The following EPAS1 variants were observed in gnomAD, a reference collection of about 807,000 sequenced individuals.
EPAS1 encodes the protein endothelial PAS domain protein 1.
Under a neutral mutation model 87.9 loss-of-function variants are expected in EPAS1, and 23 were observed. That is an observed-to-expected ratio of 0.26 (90% CI 0.19 to 0.37). The LOEUF is 0.37. Ranked by LOEUF, EPAS1 falls within the 10% of genes least tolerant of loss-of-function variation. The probability of loss-of-function intolerance (pLI) is 1.00; values close to 1 mark genes in which losing one functional copy is unlikely to be tolerated. For synonymous variants in EPAS1, 508 were observed against 444.3 expected (o/e 1.14, Z -1.80); for missense variants, 1,138 against 1,120.7 (o/e 1.02, Z -0.22).
intron 1 of EPAS1, among the ~76,000 whole-genome samples, chr2:46,310,314 C>G (rs1683185888): frequency 6.6e-6 from 1 of 151,546 alleles, no homozygotes; most frequent in African/African-American, 2.4e-5. Context: ...CTTTCTCATT[C>G]TGGATTCTAG....
At chr2:46,327,071 C>G (rs78693349) in intron 1 of EPAS1, among the ~76,000 whole-genome samples, 9,612 of 152,240 alleles carry the variant, frequency 0.063, 1,039 homozygotes, top group African/African-American at 0.22. Context: ...TCAGGACCAG[C>G]AGGGGCCGTG....
Position 46,346,256 on chromosome 2 carries a change from T to C in EPAS1, c.27-617T>C, listed in dbSNP as rs59502526. Among the ~76,000 whole-genome samples the C allele has an allele frequency of 0.064, 9,732 of 152,276 alleles. 692 individuals are homozygous for C. Among genetic ancestry groups the C allele is most frequent in the African/African-American group, 0.17 (7,195 of 41,522 alleles). ...AGAAAATGTTTGTGCCCACTCCTTTTTAATCCTTGACAGAACGCACGTTGG... is the reference window on the plus strand; with the variant it reads ...AGAAAATGTTTGTGCCCACTCCTTTCTAATCCTTGACAGAACGCACGTTGG... On this transcript the variant is annotated intron_variant, in intron 1 of 15. Transcript: ENST00000263734. The surrounding 1 kb of genome is among the most constrained non-coding windows in gnomAD (Gnocchi z 4.0).
At chr2:46,336,938 C>T (rs570964738) in intron 1 of EPAS1, among the ~76,000 whole-genome samples, 1 of 152,236 alleles carries the variant, frequency 6.6e-6, no homozygotes, top group South Asian at 2.1e-4. Flanking sequence ...AGATTTGATT[C>T]ACAGAGGTGA....
At chr2:46,373,021 G>C (rs1356768509) in intron 7 of EPAS1, among the ~76,000 whole-genome samples, 1 of 152,226 alleles carries the variant, frequency 6.6e-6, no homozygotes, top group African/African-American at 2.4e-5. Flanking sequence ...TGTGGACCCA[G>C]GTAATAAAGA....
intron 1 of EPAS1, among the ~76,000 whole-genome samples, chr2:46,342,365 C>G (rs1294633496): frequency 6.6e-6 from 1 of 152,228 alleles, no homozygotes; most frequent in Non-Finnish European, 1.5e-5. Flanking sequence ...TTTATTTCCT[C>G]CATTCTCAGC....
chr2:46,378,159 G>T, intron 10 of EPAS1, 72 bp downstream of exon 10: 1 of 1,534,360 alleles, frequency 6.5e-7, no homozygotes, highest in African/African-American at 1.4e-5. Context: ...TGGCTGAAGG[G>T]ACATTTGGGA....
intron 1 of EPAS1, among the ~76,000 whole-genome samples, chr2:46,330,141 T>G (rs1239704512): frequency 1.3e-5 from 2 of 152,224 alleles, no homozygotes; most frequent in African/African-American, 4.8e-5. Flanking sequence ...CCTCCAAGTT[T>G]CCATCTTAAT....
At chr2:46,330,034 A>G (rs1185036185) in intron 1 of EPAS1, among the ~76,000 whole-genome samples, 1 of 152,218 alleles carries the variant, frequency 6.6e-6, no homozygotes, top group Admixed American at 6.5e-5. Flanking sequence ...ACTGCTGAAC[A>G]TTCTGATTGA....
chr2:46,382,174 A>T, intron 14 of EPAS1, 85 bp downstream of exon 14: 1 of 1,302,290 alleles, frequency 7.7e-7, no homozygotes, highest in South Asian at 1.2e-5. Flanking sequence ...TCTTCCATTC[A>T]CCACAGGCCG....
intron 15 of EPAS1, 70 bp downstream of exon 15, chr2:46,382,668 T>C (rs1389093079): frequency 2.5e-6 from 4 of 1,588,534 alleles, no homozygotes; most frequent in Admixed American, 1.8e-5. Context: ...GTCTACTTTT[T>C]TTCCAGCGTC....
rs1291729407 is a variant in EPAS1 at position 46,346,816 on chromosome 2, G to C, written c.27-57G>C. 1 of 1,595,674 alleles carries C rather than the reference G, an allele frequency of 6.3e-7. No individual in the cohort carries two copies. Among genetic ancestry groups the C allele is most frequent in the African/African-American group, 1.3e-5 (1 of 74,616 alleles). Reference sequence around the variant, plus strand: ...TGGGGCCATGGGGATGTCCTGGCCAGAGGTATGATAGGCTGACAGTAACCT... The same window carrying C: ...TGGGGCCATGGGGATGTCCTGGCCACAGGTATGATAGGCTGACAGTAACCT... On this transcript the variant is annotated intron_variant, in intron 1 of 15. Transcript: ENST00000263734. The surrounding 1 kb of genome is among the most constrained non-coding windows in gnomAD (Gnocchi z 4.0).
chr2:46,361,621 C>T (rs541191291), intron 6 of EPAS1, among the ~76,000 whole-genome samples: 4 of 152,328 alleles, frequency 2.6e-5, no homozygotes, highest in African/African-American at 9.6e-5. Context: ...GCTAACCCCC[C>T]AGTGCCAGGC....
chr2:46,380,509 A>G lies in EPAS1; in HGVS notation c.1837A>G (p.Ser613Gly), dbSNP rs1354744185. Residue 613 changes from serine to glycine, a missense_variant, in exon 12 of 16, where the codon AGC becomes GGC. Coordinates refer to ENST00000263734, the MANE Select transcript of EPAS1 (RefSeq NM_001430.5). The surrounding 1 kb of genome is among the most constrained non-coding windows in gnomAD (Gnocchi z 4.4). ...PMSSIFFDAG[S>G]KASLPPCCGQ... ...GTCCTCCATCTTCTTTGATGCCGGA[A>G]GCAAAGCATCCCTGCCACCGTGCTG... The G allele has an allele frequency of 5.0e-6, 8 of 1,614,204 alleles. No individual in the cohort carries two copies. The highest frequency in any genetic ancestry group is 5.9e-6 in the Non-Finnish European group (7 of 1,180,022).
intron 1 of EPAS1, among the ~76,000 whole-genome samples, chr2:46,330,056 G>A (rs1572623604): frequency 2.0e-5 from 3 of 152,192 alleles, no homozygotes; most frequent in East Asian, 3.8e-4. Context: ...GTTCCAGACC[G>A]TTTGTGATGC....
intron 10 of EPAS1, 44 bp downstream of exon 10, chr2:46,378,131 T>C (rs751965959): frequency 1.9e-6 from 3 of 1,554,460 alleles, no homozygotes; most frequent in South Asian, 2.4e-5. Flanking sequence ...GGGCTCCGTA[T>C]GTATGACTGC....
chr2:46,365,690 C>G (rs1449972828), intron 6 of EPAS1, among the ~76,000 whole-genome samples: 1 of 152,132 alleles, frequency 6.6e-6, no homozygotes, highest in Non-Finnish European at 1.5e-5. Context: ...GAGGAAAACA[C>G]AAGGCTTAAG....
intron 1 of EPAS1, among the ~76,000 whole-genome samples, chr2:46,315,625 C>T (rs186139935): frequency 8.7e-4 from 132 of 152,352 alleles, no homozygotes; most frequent in South Asian, 7.0e-3. Context: ...ATCCTGTCTC[C>T]TCTGACTTCC....
rs1428220425 is a variant in EPAS1, at chr2:46,300,277, C to G, written c.26+2340C>G. Among the ~76,000 whole-genome samples the G allele has an allele frequency of 6.6e-6, 1 of 152,196 alleles. No individual in the cohort carries two copies. The highest frequency in any genetic ancestry group is 2.4e-5 in the African/African-American group (1 of 41,444). On this transcript the variant is annotated intron_variant, in intron 1 of 15. Transcript: ENST00000263734. The surrounding 1 kb of genome is among the most constrained non-coding windows in gnomAD (Gnocchi z 4.1). ...CAAGGGCGATGTGACAGTGAGGGGG[C>G]TCTCTGCTGATGATTCTGCCCACTA...
chr2:46,310,784 C>G (rs537006575), intron 1 of EPAS1, among the ~76,000 whole-genome samples: 1 of 152,374 alleles, frequency 6.6e-6, no homozygotes, highest in South Asian at 2.1e-4. Flanking sequence ...ATCCAAGTCA[C>G]TTTAGCTCAT....
Sources: allele counts gnomAD v4.1 joint callset (sites outside exome capture counted in the v4.1 genomes callset), GRCh38; gene constraint gnomAD v4.1.1; non-coding constraint Gnocchi (gnomAD v3.1); transcripts MANE v1.5; gene names NCBI Gene and HGNC (gene_info 2026-07-23, HGNC 2026-07-21).